The following TSPEAR variants were observed in gnomAD, a reference collection of about 807,000 sequenced individuals.
The protein encoded by TSPEAR is thrombospondin-type laminin G domain and EAR repeat-containing protein.
A neutral mutation model predicts 71.6 loss-of-function variants in TSPEAR; 69 were observed. That is an observed-to-expected ratio of 0.96 (90% CI 0.79 to 1.18). The LOEUF (loss-of-function observed/expected upper bound fraction) is 1.18. Ranked by LOEUF, TSPEAR falls within the 50% of genes most tolerant of loss-of-function variation. The pLI is 0.00. For synonymous variants in TSPEAR, 402 were observed against 387.2 expected, an observed-to-expected ratio of 1.04 and a Z score of -0.45; for missense variants, 971 against 894.9, an observed-to-expected ratio of 1.09 and a Z score of -1.09.
intron 1 of TSPEAR, chr21:44,638,081 C>T (rs781894255): frequency 9.3e-6 from 15 of 1,613,632 alleles, no homozygotes; most frequent in Admixed American, 1.7e-5. Flanking sequence ...CAGCTGCTGC[C>T]GCACGGCCTC....
At chr21:44,532,156 T>A (rs587762381) in intron 3 of TSPEAR, among the ~76,000 whole-genome samples, 2 of 152,322 alleles carry the variant, frequency 1.3e-5, no homozygotes, top group Admixed American at 1.3e-4. Flanking sequence ...GTGGCCACAA[T>A]TGGTTCCAGG....
chr21:44,601,216 G>T (rs1555928656), intron 1 of TSPEAR: 8 of 1,605,430 alleles, frequency 5.0e-6, no homozygotes, highest in Non-Finnish European at 6.8e-6. Context: ...CTGCCAATCA[G>T]GCTGCATCAG....
At chr21:44,516,071 G>A (rs1470303525) in intron 9 of TSPEAR, 1 of 152,290 alleles carries the variant, frequency 6.6e-6, no homozygotes, top group African/African-American at 2.4e-5. Context: ...CCCTGCTCCT[G>A]AGCCTCAGTT....
chr21:44,667,894 T>C (rs8130076), intron 1 of TSPEAR, among the ~76,000 whole-genome samples: 67,689 of 151,898 alleles, frequency 0.45, 15,266 homozygotes, highest in South Asian at 0.56. Flanking sequence ...ATCAACAAAC[T>C]AAGAATAGAA....
At chr21:44,706,763 G>A (rs1038466831) in intron 1 of TSPEAR, among the ~76,000 whole-genome samples, 4 of 152,170 alleles carry the variant, frequency 2.6e-5, no homozygotes, top group African/African-American at 9.7e-5. Flanking sequence ...CACCCTAGAA[G>A]CGAGGCGAGC....
Position 44,600,514 on chromosome 21 carries a change from C to T in TSPEAR, c.83-32509G>A, listed in dbSNP as rs181606236. On this transcript the variant is annotated intron_variant, in intron 1 of 11. Coordinates refer to ENST00000323084, the MANE Select transcript of TSPEAR (RefSeq NM_144991.3). ...TGACACTCCAGCTGGGACAACAGAC[C>T]AGGGAGACATATAAAAGCCAACATC... 7.2e-4 allele frequency: 944 copies of T among 1,317,304 alleles called. 6 individuals carry two copies. The Middle Eastern group carries it at 0.013, about 18-fold the overall frequency. 81.6% of individuals were successfully genotyped at this position (1,317,304 alleles called of 1,614,324 possible).
Position 44,539,315 on chromosome 21 carries a change from C to G in TSPEAR, c.304-5392G>C, listed in dbSNP as rs781801818. The G allele has an allele frequency of 3.7e-6, 6 of 1,610,560 alleles. No individual in the cohort carries two copies. In the South Asian group the frequency reaches 5.5e-5, roughly 15 times the overall value. The stretch of plus-strand genomic sequence containing the variant: ...TGAGCAGAGGCCTCAGCAGGCCGGG[C>G]GGGAGCACGCGGGGCGGCAGAGGAG... On this transcript the variant is annotated intron_variant, in intron 2 of 11. Coordinates refer to ENST00000323084, the MANE Select transcript of TSPEAR (RefSeq NM_144991.3).
rs1555933845 is a variant in TSPEAR at position 44,623,416 on chromosome 21, A to T, written c.83-55411T>A. On this transcript the variant is annotated intron_variant, in intron 1 of 11. Coordinates refer to ENST00000323084, the MANE Select transcript of TSPEAR (RefSeq NM_144991.3). This position sits in a 1 kb window ranked among gnomAD's most constrained non-coding sequence, Gnocchi z 4.5. The stretch of plus-strand genomic sequence containing the variant: ...ATGTAGCCCCCTCCTGAATTTTGTG[A>T]TCTTCTTGCCATGTATTTCATTTCT... 6.6e-6 allele frequency among the ~76,000 whole-genome samples: 1 copy of T among 152,066 alleles called. No individual in the cohort carries two copies. The highest frequency in any genetic ancestry group is 6.5e-5 in the Admixed American group (1 of 15,282).
rs1482429394 is a variant in TSPEAR at position 44,695,263 on chromosome 21, C to T, written c.82+16170G>A. On this transcript the variant is annotated intron_variant, in intron 1 of 11. Transcript: ENST00000323084. This position sits in a 1 kb window ranked among gnomAD's most constrained non-coding sequence, Gnocchi z 4.5. ...TCCTGGCACCTTTGCTCCCACTGGA[C>T]TGGACGCTGTGCTGTCTCTCAGGTA... Among the ~76,000 whole-genome samples the T allele has an allele frequency of 6.6e-6, 1 of 152,204 alleles. No individual in the cohort carries two copies. The highest frequency in any genetic ancestry group is 2.4e-5 in the African/African-American group (1 of 41,434).
In TSPEAR at chr21:44,612,682, G is replaced by T; in HGVS notation, c.83-44677C>A. 6.2e-7 allele frequency: 1 copy of T among 1,614,024 alleles called. No individual in the cohort carries two copies. Among genetic ancestry groups the T allele is most frequent in the Non-Finnish European group, 8.5e-7 (1 of 1,180,008 alleles). Reference sequence around the variant, plus strand: ...TGTGCTGCCAGAAGTCTAGCTGCCAGCCGGCTTGCTGCACCACCTCCTGCT... The same window carrying T: ...TGTGCTGCCAGAAGTCTAGCTGCCATCCGGCTTGCTGCACCACCTCCTGCT... On this transcript the variant is annotated intron_variant, in intron 1 of 11. Coordinates refer to ENST00000323084, the MANE Select transcript of TSPEAR (RefSeq NM_144991.3). This position sits in a 1 kb window ranked among gnomAD's most constrained non-coding sequence, Gnocchi z 4.1.
chr21:44,647,559 G>A, intron 1 of TSPEAR: 1 of 657,502 alleles, frequency 1.5e-6, no homozygotes, highest in South Asian at 2.0e-5. Context: ...GGTGGACTGT[G>A]GCTTTCTGGA....
chr21:44,646,762 C>A, intron 1 of TSPEAR: 1 of 1,613,860 alleles, frequency 6.2e-7, no homozygotes, highest in Non-Finnish European at 8.5e-7. Flanking sequence ...CTGCTGTGTG[C>A]CTGTCTGCTG....
chr21:44,622,442 G>A (rs1300774669), intron 1 of TSPEAR, among the ~76,000 whole-genome samples: 2 of 152,160 alleles, frequency 1.3e-5, no homozygotes, highest in East Asian at 3.8e-4. Context: ...TTATAAGAGT[G>A]GAAATTTATT....
chr21:44,709,233 C>T (rs1158160180), intron 1 of TSPEAR, among the ~76,000 whole-genome samples: 2 of 152,216 alleles, frequency 1.3e-5, no homozygotes, highest in Admixed American at 6.5e-5. Context: ...TGAGGGGTGC[C>T]GAGCCTAGGG....
Position 44,612,343 on chromosome 21 carries a change from T to C in TSPEAR, c.83-44338A>G, listed in dbSNP as rs782610820. The C allele has an allele frequency of 3.1e-6, 5 of 1,613,822 alleles. No individual in the cohort carries two copies. Among genetic ancestry groups the C allele is most frequent in the Middle Eastern group, 1.7e-4 (1 of 6,042 alleles). On this transcript the variant is annotated intron_variant, in intron 1 of 11. Transcript: ENST00000323084. This position sits in a 1 kb window ranked among gnomAD's most constrained non-coding sequence, Gnocchi z 4.1. Reference sequence around the variant, plus strand: ...CCCTGGTCTGTGCCCCAGTGAGCTGTGAGCCCAGCCCCTGCCAATCAGGCT... The same window carrying C: ...CCCTGGTCTGTGCCCCAGTGAGCTGCGAGCCCAGCCCCTGCCAATCAGGCT...
At chr21:44,597,263 G>A (rs1256257019) in intron 1 of TSPEAR, among the ~76,000 whole-genome samples, 2 of 151,890 alleles carry the variant, frequency 1.3e-5, no homozygotes, top group Non-Finnish European at 2.9e-5. Context: ...TTCCTGGTAG[G>A]TTGACTCTTT....
At chr21:44,518,647 A>C (rs1250357490) in intron 9 of TSPEAR, 3 of 470,636 alleles carry the variant, frequency 6.4e-6, no homozygotes, top group Admixed American at 4.7e-5. Flanking sequence ...CTCTGCTCTC[A>C]AGACCCCCTG....
chr21:44,557,728 C>T (rs2053556567), intron 2 of TSPEAR: 1 of 377,650 alleles, frequency 2.6e-6, no homozygotes, highest in South Asian at 3.8e-5. Context: ...AAGCTCCCAC[C>T]CCACGCGGCA....
intron 1 of TSPEAR, among the ~76,000 whole-genome samples, chr21:44,661,702 A>C (rs1445471378): frequency 1.3e-5 from 2 of 152,216 alleles, no homozygotes; most frequent in Non-Finnish European, 2.9e-5. Context: ...GGAAACTTAC[A>C]AGCACTGTGG....
Sources: gnomAD v4.1 joint callset for allele counts (sites outside exome capture counted in the v4.1 genomes callset) on GRCh38, gnomAD v4.1.1 for gene constraint, Gnocchi (gnomAD v3.1) non-coding constraint, MANE v1.5 for transcripts, NCBI Gene and HGNC (gene_info 2026-07-23, HGNC 2026-07-21) for gene names.